EMSY: variants seen among roughly 807,000 people sequenced by gnomAD.
EMSY encodes the protein EMSY transcriptional repressor, BRCA2 interacting, also known as BRCA2-interacting transcriptional repressor EMSY.
A neutral mutation model predicts 134.6 loss-of-function variants in EMSY; 26 were observed. The observed-to-expected ratio is 0.19, with a 90% CI of 0.14 to 0.27. The LOEUF (loss-of-function observed/expected upper bound fraction) is 0.27. Ranked by LOEUF, EMSY falls within the 10% of genes least tolerant of loss-of-function variation. The probability of loss-of-function intolerance (pLI) is 1.00; values close to 1 mark genes in which losing one functional copy is unlikely to be tolerated. For missense variants in EMSY, 1,305 were observed against 1,611.4 expected, an observed-to-expected ratio of 0.81 and a Z score of 3.26; for synonymous variants, 579 against 577.8, an observed-to-expected ratio of 1.00 and a Z score of -0.03.
chr11:76,519,065 C>CTTT (rs149817617), intron 11 of EMSY, among the ~76,000 whole-genome samples: 1 of 136,384 alleles, frequency 7.3e-6, no homozygotes, highest in Non-Finnish European at 1.6e-5. Flanking sequence ...TGATTCATAT[C>CTTT]TTTTTTTTTT....
chr11:76,508,537 C>T (rs1023373248), intron 9 of EMSY, among the ~76,000 whole-genome samples: 1 of 152,162 alleles, frequency 6.6e-6, no homozygotes, highest in African/African-American at 2.4e-5. Context: ...AACTTAAACT[C>T]AGCAACTGCA....
intron 8 of EMSY, among the ~76,000 whole-genome samples, chr11:76,493,574 C>T (rs1204464548): frequency 2.0e-5 from 3 of 152,142 alleles, no homozygotes; most frequent in Admixed American, 1.3e-4. Flanking sequence ...CCATGAAAAC[C>T]CCTGACACAG....
chr11:76,496,308 C>G, exon 9 of EMSY: 6 of 1,614,148 alleles, frequency 3.7e-6, no homozygotes, highest in Non-Finnish European at 5.1e-6. Context: ...GCACAGTTCC[C>G]TAAACAACAT....
chr11:76,497,619 A>G (rs1182054238), intron 9 of EMSY, among the ~76,000 whole-genome samples: 3 of 152,108 alleles, frequency 2.0e-5, no homozygotes, highest in Admixed American at 2.0e-4. Flanking sequence ...TAAGTTGTCA[A>G]ATTTTTGAGT....
At chr11:76,467,979 CAAAAAAAAAAAACA>C (rs1214041825) in intron 7 of EMSY, among the ~76,000 whole-genome samples, 3 of 98,424 alleles carry the variant, frequency 3.0e-5, no homozygotes, top group Non-Finnish European at 4.5e-5. Flanking sequence ...AACTCCATCT[CAAAAAAAAAAAACA>C]AAAAAAAAAA....
chr11:76,445,519 G>A (rs920105823), intron 1 of EMSY, among the ~76,000 whole-genome samples: 3 of 152,146 alleles, frequency 2.0e-5, no homozygotes, highest in Non-Finnish European at 4.4e-5. Flanking sequence ...CGGGTGAGGA[G>A]CCTGGGCTGG....
At chr11:76,551,272 G>C (rs1951828775) in exon 21 of EMSY, 1 of 152,638 alleles carries the variant, frequency 6.6e-6, no homozygotes, top group South Asian at 2.1e-4. Context: ...GAGGGTAAGA[G>C]TTTTGACAAG....
chr11:76,471,376 G>C (rs374980159), intron 7 of EMSY, among the ~76,000 whole-genome samples: 1 of 152,066 alleles, frequency 6.6e-6, no homozygotes, highest in South Asian at 2.1e-4. Flanking sequence ...TTTTACATTG[G>C]TGTGATACAT....
At chr11:76,503,871 G>A (rs1017396362) in intron 9 of EMSY, among the ~76,000 whole-genome samples, 7 of 152,030 alleles carry the variant, frequency 4.6e-5, no homozygotes, top group East Asian at 1.9e-4. Context: ...TGCAACTTAC[G>A]CCTCCTGGGT....
exon 19 of EMSY, chr11:76,544,374 C>T (rs2136752986): frequency 6.2e-7 from 1 of 1,614,136 alleles, no homozygotes; most frequent in Non-Finnish European, 8.5e-7. Context: ...TACCGATCTG[C>T]CCTGACTCAG....
At chr11:76,547,778 T>A (rs1251719307) in intron 20 of EMSY, among the ~76,000 whole-genome samples, 2 of 152,248 alleles carry the variant, frequency 1.3e-5, no homozygotes, top group Non-Finnish European at 2.9e-5. Context: ...GGGAATTATT[T>A]TTCTGCACTT....
At chr11:76,457,649 G>A (rs1947929797) in intron 4 of EMSY, among the ~76,000 whole-genome samples, 1 of 152,148 alleles carries the variant, frequency 6.6e-6, no homozygotes, top group Admixed American at 6.5e-5. Context: ...GCACTCTTCT[G>A]TTCTTTTCTA....
At chr11:76,448,238 C>T (rs903859682) in intron 2 of EMSY, among the ~76,000 whole-genome samples, 1 of 152,100 alleles carries the variant, frequency 6.6e-6, no homozygotes, top group African/African-American at 2.4e-5. Flanking sequence ...CCACCCAAGG[C>T]CACTATGAGG....
At chr11:76,543,220 G>A (rs996293414) in intron 18 of EMSY, among the ~76,000 whole-genome samples, 1 of 152,194 alleles carries the variant, frequency 6.6e-6, no homozygotes, top group Non-Finnish European at 1.5e-5. Context: ...TCACTCACAT[G>A]ATGATGAATC....
chr11:76,482,665 A>G (rs934739746), intron 8 of EMSY, among the ~76,000 whole-genome samples: 1 of 152,218 alleles, frequency 6.6e-6, no homozygotes, highest in Non-Finnish European at 1.5e-5. Flanking sequence ...TTGAAGATCA[A>G]CGTAATGAAA....
intron 13 of EMSY, among the ~76,000 whole-genome samples, chr11:76,527,200 G>C (rs900169905): frequency 1.3e-5 from 2 of 152,102 alleles, no homozygotes; most frequent in Admixed American, 1.3e-4. Flanking sequence ...TGAGAATATC[G>C]AGGGAAGCAC....
chr11:76,524,257 G>T (rs748681109), intron 12 of EMSY, among the ~76,000 whole-genome samples: 2 of 152,084 alleles, frequency 1.3e-5, no homozygotes, highest in Non-Finnish European at 2.9e-5. Context: ...TTAGTAACTG[G>T]TAGCTATTGT....
At chr11:76,494,704 TTCC>T (rs537120363) in intron 8 of EMSY, among the ~76,000 whole-genome samples, 95 of 105,898 alleles carry the variant, frequency 9.0e-4, no homozygotes, top group South Asian at 2.6e-3. Context: ...CCTTCCTTCC[TTCC>T]TTCCTTCCTT....
chr11:76,449,238 A>C (rs1384094945), intron 2 of EMSY, among the ~76,000 whole-genome samples: 1 of 152,208 alleles, frequency 6.6e-6, no homozygotes, highest in Non-Finnish European at 1.5e-5. Flanking sequence ...AAGGATACCC[A>C]TCAAAATGGA....
Sources: allele counts gnomAD v4.1 joint callset (sites outside exome capture counted in the v4.1 genomes callset), GRCh38; gene constraint gnomAD v4.1.1; transcripts MANE v1.5; gene names NCBI Gene and HGNC (gene_info 2026-07-23, HGNC 2026-07-21).